The following PRIM2 variants were observed in gnomAD, a reference collection of about 807,000 sequenced individuals.
PRIM2 encodes the protein DNA primase large subunit.
PRIM2 carries 39 observed loss-of-function variants against 67.3 expected under a neutral mutation model. The observed-to-expected ratio is 0.58, with a 90% CI of 0.45 to 0.76. The LOEUF is 0.76. Ranked by LOEUF, PRIM2 falls within the 30% of genes least tolerant of loss-of-function variation. PRIM2 has a pLI of 0.00. For synonymous variants in PRIM2, 143 were observed against 198.7 expected, an observed-to-expected ratio of 0.72 and a Z score of 2.36; for missense variants, 398 against 598.7, an observed-to-expected ratio of 0.66 and a Z score of 3.50.
intron 8 of PRIM2, among the ~76,000 whole-genome samples, chr6:57,513,424 C>A: frequency 6.7e-6 from 1 of 149,904 alleles, no homozygotes; most frequent in South Asian, 2.1e-4. Context: ...TAAATAGGTA[C>A]AACTAGAGAG....
chr6:57,308,137 T>C, the PRIM2 span, among the ~76,000 whole-genome samples: 4 of 52,220 alleles, frequency 7.7e-5, no homozygotes, highest in African/African-American at 1.3e-4. Context: ...TTTTTCTCTC[T>C]TTTTTTTTTT....
At position 57,596,102 on chromosome 6, in the gene PRIM2, A is replaced by T. The variant is rs1162783370; in HGVS notation, c.1021-4991A>T. Among the ~76,000 whole-genome samples the T allele has an allele frequency of 6.2e-4, 94 of 152,242 alleles. 3 individuals carry two copies. Among genetic ancestry groups the T allele is most frequent in the South Asian group, 4.6e-3 (22 of 4,814 alleles). ...CACAGACCAAATATTAGAACAGAAG[A>T]TGCACCTAGCATCCCTCTTGCTCAG... On this transcript the variant is annotated intron_variant, in intron 10 of 13. Transcript: ENST00000615550.
chr6:57,396,695 A>G (rs1171774870), intron 7 of PRIM2, among the ~76,000 whole-genome samples: 5 of 151,914 alleles, frequency 3.3e-5, no homozygotes, highest in Admixed American at 2.6e-4. Context: ...TCATTGTGCT[A>G]TTTGTTGCTT....
the PRIM2 span, among the ~76,000 whole-genome samples, chr6:57,243,175 C>T: frequency 6.6e-6 from 1 of 152,194 alleles, no homozygotes; most frequent in Non-Finnish European, 1.5e-5. Flanking sequence ...CAAAAACATA[C>T]AAATGATGAT....
chr6:57,460,699 A>T (rs370353781), intron 7 of PRIM2, among the ~76,000 whole-genome samples: 1 of 150,794 alleles, frequency 6.6e-6, no homozygotes, highest in Non-Finnish European at 1.5e-5. Context: ...GATTTGATTT[A>T]CTGCAAAAGT....
In PRIM2 at chr6:57,539,664, A is replaced by G. The variant is rs1441453194; in HGVS notation, c.1020+2039A>G. On this transcript the variant is annotated intron_variant, in intron 10 of 13. Transcript: ENST00000615550. ...TGTGTGTGTGTGTGTGTGTATATAT[A>G]TATATATATGCATTCACCAGGAAAT... Among the ~76,000 whole-genome samples, 328 of 136,874 alleles carry G rather than the reference A, an allele frequency of 2.4e-3. 1 individual carries two copies. Among genetic ancestry groups the G allele is most frequent in the Middle Eastern group, 0.012 (3 of 260 alleles). 89.8% of individuals were successfully genotyped at this position (136,874 alleles called of 152,430 possible). A position where few individuals can be genotyped will look rare whatever the true frequency, so the allele number is the denominator to read the frequency against.
At chr6:57,506,651 T>A (rs1405332700) in intron 7 of PRIM2, among the ~76,000 whole-genome samples, 30 of 152,084 alleles carry the variant, frequency 2.0e-4, no homozygotes, top group Admixed American at 1.0e-3. Context: ...GTCTTTAATT[T>A]CCTTGTGTCA....
the PRIM2 span, among the ~76,000 whole-genome samples, chr6:57,245,232 C>G: frequency 2.0e-5 from 3 of 152,122 alleles, no homozygotes; most frequent in Non-Finnish European, 2.9e-5. Flanking sequence ...TGCTTGATGA[C>G]TTCCATGCTG....
At chr6:57,565,339 C>T (rs1379064007) in intron 10 of PRIM2, among the ~76,000 whole-genome samples, 31 of 147,376 alleles carry the variant, frequency 2.1e-4, no homozygotes, top group Admixed American at 1.9e-3. Flanking sequence ...AGTCATATGC[C>T]GCTCTCTCTA....
chr6:57,285,640 T>C, the PRIM2 span, among the ~76,000 whole-genome samples: 1 of 152,300 alleles, frequency 6.6e-6, no homozygotes, highest in South Asian at 2.1e-4. Flanking sequence ...ATAAGAGCTA[T>C]ATATGACAAA....
chr6:57,240,103 T>TGTTTTG, the PRIM2 span, among the ~76,000 whole-genome samples: 43 of 97,284 alleles, frequency 4.4e-4, no homozygotes, highest in Middle Eastern at 6.2e-3. Flanking sequence ...TTTTTTTTTT[T>TGTTTTG]TTTTTTTTTT....
At chr6:57,521,261 GATAT>G (rs1253829653) in intron 8 of PRIM2, among the ~76,000 whole-genome samples, 3 of 150,852 alleles carry the variant, frequency 2.0e-5, no homozygotes, top group Non-Finnish European at 4.4e-5. Flanking sequence ...CGCAGGAAAT[GATAT>G]ATTGTAGCTT....
the PRIM2 span, among the ~76,000 whole-genome samples, chr6:57,281,281 C>G: frequency 0.058 from 8,768 of 152,156 alleles, 269 homozygotes; most frequent in Non-Finnish European, 0.072. Context: ...ATATCTCTTC[C>G]ATATATTCAT....
intron 5 of PRIM2, among the ~76,000 whole-genome samples, chr6:57,350,713 G>T (rs578006018): frequency 3.3e-5 from 5 of 152,184 alleles, no homozygotes; most frequent in African/African-American, 7.2e-5. Context: ...TCAGTGCCGC[G>T]TGGTTCTTTC....
chr6:57,591,759 G>A (rs1308738832), intron 10 of PRIM2, among the ~76,000 whole-genome samples: 4 of 152,046 alleles, frequency 2.6e-5, no homozygotes, highest in East Asian at 3.8e-4. Flanking sequence ...GAAATCCCCC[G>A]TTTGGAGATT....
At chr6:57,394,051 T>C (rs1770443713) in intron 7 of PRIM2, among the ~76,000 whole-genome samples, 4 of 152,238 alleles carry the variant, frequency 2.6e-5, no homozygotes, top group Admixed American at 2.0e-4. Context: ...ACCATGCTGT[T>C]TGGGTGACTA....
At chr6:57,238,925 C>T in the PRIM2 span, among the ~76,000 whole-genome samples, 7 of 152,252 alleles carry the variant, frequency 4.6e-5, no homozygotes, top group Admixed American at 1.3e-4. Flanking sequence ...TTGCCTTTGT[C>T]GTGCTGTCTA....
At chr6:57,315,454 T>A (rs1767463579), upstream of PRIM2, among the ~76,000 whole-genome samples, 1 of 152,186 alleles carries the variant, frequency 6.6e-6, no homozygotes, top group Admixed American at 6.5e-5. Flanking sequence ...ATGGGAGTCA[T>A]GAAGAGCCTC....
chr6:57,541,329 T>G (rs1401953819), intron 10 of PRIM2, among the ~76,000 whole-genome samples: 84 of 152,326 alleles, frequency 5.5e-4, no homozygotes, highest in African/African-American at 2.0e-3. Context: ...CCTCAGGTGA[T>G]CTTCCTGCCT....
Sources: gnomAD v4.1 joint callset for allele counts (sites outside exome capture counted in the v4.1 genomes callset) on GRCh38, gnomAD v4.1.1 for gene constraint, MANE v1.5 for transcripts, NCBI Gene and HGNC (gene_info 2026-07-23, HGNC 2026-07-21) for gene names.